GRID2: variants seen among roughly 807,000 people sequenced by gnomAD.
GRID2 encodes the protein glutamate ionotropic receptor delta type subunit 2.
In GRID2, 33 loss-of-function variants were observed where a neutral mutation model predicts 114.8. The ratio of observed to expected loss-of-function variants is 0.29; its 90% CI spans 0.22 to 0.38. The LOEUF (loss-of-function observed/expected upper bound fraction) is 0.38. Ranked by LOEUF, GRID2 falls within the 10% of genes least tolerant of loss-of-function variation. The probability of loss-of-function intolerance (pLI) is 1.00; values close to 1 mark genes in which losing one functional copy is unlikely to be tolerated. For missense variants in GRID2, 1,184 were observed against 1,257.7 expected (o/e 0.94, Z 0.89); for synonymous variants, 505 against 449.9 (o/e 1.12, Z -1.55).
chr4:93,339,533 G>C (rs1471960304), intron 8 of GRID2, among the ~76,000 whole-genome samples: 3 of 152,154 alleles, frequency 2.0e-5, no homozygotes, highest in Non-Finnish European at 2.9e-5. Context: ...ATATGGCCCT[G>C]ACCATACCTT....
intron 2 of GRID2, among the ~76,000 whole-genome samples, chr4:92,686,447 C>T (rs914552367): frequency 6.6e-6 from 1 of 152,002 alleles, no homozygotes; most frequent in Non-Finnish European, 1.5e-5. Flanking sequence ...AATGTCAGGT[C>T]TATCATGTAT....
At chr4:93,184,137 C>A (rs1176900413) in intron 4 of GRID2, among the ~76,000 whole-genome samples, 2 of 152,022 alleles carry the variant, frequency 1.3e-5, no homozygotes, top group African/African-American at 4.8e-5. Context: ...TAAATGTATT[C>A]CAGATGGGAA....
intron 1 of GRID2, among the ~76,000 whole-genome samples, chr4:92,454,094 T>A (rs1721084701): frequency 6.6e-6 from 1 of 150,578 alleles, no homozygotes; most frequent in Non-Finnish European, 1.5e-5. Context: ...GATAATTTAC[T>A]TTTTTAGAGA....
intron 4 of GRID2, among the ~76,000 whole-genome samples, chr4:93,191,476 A>G (rs1020713897): frequency 6.6e-6 from 1 of 152,110 alleles, no homozygotes; most frequent in Admixed American, 6.6e-5. Flanking sequence ...TTTAAATTAT[A>G]TGTAATTTTA....
chr4:92,679,991 A>G (rs1733568633), intron 2 of GRID2, among the ~76,000 whole-genome samples: 1 of 151,794 alleles, frequency 6.6e-6, no homozygotes, highest in African/African-American at 2.4e-5. Flanking sequence ...ATATTTATAT[A>G]GCTCTGTGAG....
chr4:92,448,048 TC>T (rs1349334296), intron 1 of GRID2, among the ~76,000 whole-genome samples: 9 of 152,298 alleles, frequency 5.9e-5, no homozygotes, highest in Non-Finnish European at 1.0e-4. Flanking sequence ...GACCTCATGA[TC>T]AAGTAAACTT....
chr4:92,512,177 T>G (rs1480580800), intron 1 of GRID2, among the ~76,000 whole-genome samples: 3 of 151,914 alleles, frequency 2.0e-5, no homozygotes, highest in Non-Finnish European at 4.4e-5. Context: ...TCAAGGTTCA[T>G]TTATGCTGTA....
chr4:92,940,444 T>C (rs1751021947), intron 2 of GRID2, among the ~76,000 whole-genome samples: 2 of 151,492 alleles, frequency 1.3e-5, no homozygotes, highest in Admixed American at 6.7e-5. Context: ...CTGAAGTTGC[T>C]TATCAGCTTA....
At chr4:92,577,765 T>C (rs891719189) in intron 1 of GRID2, among the ~76,000 whole-genome samples, 1 of 152,096 alleles carries the variant, frequency 6.6e-6, no homozygotes, top group African/African-American at 2.4e-5. Context: ...TGAAATGGAA[T>C]TACCATGGAA....
intron 14 of GRID2, among the ~76,000 whole-genome samples, chr4:93,662,683 G>A (rs1357574226): frequency 6.6e-6 from 1 of 152,062 alleles, no homozygotes; most frequent in Non-Finnish European, 1.5e-5. Context: ...TAAATTGGGA[G>A]CAATGTTTGT....
intron 2 of GRID2, among the ~76,000 whole-genome samples, chr4:92,875,117 A>T (rs1745526307): frequency 6.7e-6 from 1 of 148,762 alleles, no homozygotes; most frequent in East Asian, 2.0e-4. Context: ...CAACTGAAGG[A>T]TAATTCATGA....
At chr4:93,422,677 T>C in intron 9 of GRID2, 94 bp from the exon 10 acceptor site, 1 of 760,044 alleles carries the variant, frequency 1.3e-6, no homozygotes, top group Non-Finnish European at 2.2e-6. Context: ...TATAAAACAA[T>C]TTTTAGATTT....
At chr4:92,860,599 T>C (rs1339997335) in intron 2 of GRID2, among the ~76,000 whole-genome samples, 1 of 152,108 alleles carries the variant, frequency 6.6e-6, no homozygotes, top group Non-Finnish European at 1.5e-5. Context: ...AACTTATCTA[T>C]GAAATGTTAA....
At chr4:93,621,441 C>A (rs1394254050) in intron 13 of GRID2, among the ~76,000 whole-genome samples, 1 of 152,164 alleles carries the variant, frequency 6.6e-6, no homozygotes, top group African/African-American at 2.4e-5. Flanking sequence ...TTGCTTTCTT[C>A]TGTTTAACCT....
At chr4:93,192,479 C>T (rs763228207) in intron 4 of GRID2, among the ~76,000 whole-genome samples, 2 of 152,046 alleles carry the variant, frequency 1.3e-5, no homozygotes, top group African/African-American at 4.8e-5. Flanking sequence ...CTGTGGCTCA[C>T]GCCTGTAATC....
chr4:93,399,656 A>G (rs1159576869), intron 9 of GRID2, among the ~76,000 whole-genome samples: 1 of 152,142 alleles, frequency 6.6e-6, no homozygotes, highest in Non-Finnish European at 1.5e-5. Context: ...TCATAGTAGT[A>G]GTGAGCTACA....
intron 3 of GRID2, among the ~76,000 whole-genome samples, chr4:93,097,859 A>G (rs1164321235): frequency 6.6e-6 from 1 of 151,980 alleles, no homozygotes; most frequent in African/African-American, 2.4e-5. Flanking sequence ...TTCTGGAATA[A>G]TATTAAATAA....
intron 6 of GRID2, among the ~76,000 whole-genome samples, chr4:93,218,955 G>A (rs1326789516): frequency 5.3e-5 from 8 of 152,044 alleles, no homozygotes; most frequent in African/African-American, 1.7e-4. Context: ...AATAGCAAAC[G>A]GATAATCATC....
chr4:93,262,760 C>T (rs766666913), intron 8 of GRID2, among the ~76,000 whole-genome samples: 1 of 151,652 alleles, frequency 6.6e-6, no homozygotes, highest in East Asian at 1.9e-4. Context: ...TCCAATAACT[C>T]TTCATTTTTT....
Sources: allele counts gnomAD v4.1 joint callset (sites outside exome capture counted in the v4.1 genomes callset), GRCh38; gene constraint gnomAD v4.1.1; transcripts MANE v1.5; gene names NCBI Gene and HGNC (gene_info 2026-07-23, HGNC 2026-07-21).